MACROD2: variants seen among roughly 807,000 people sequenced by gnomAD.
The protein encoded by MACROD2 is ADP-ribose glycohydrolase MACROD2.
Under a neutral mutation model 70.4 loss-of-function variants are expected in MACROD2, and 36 were observed. The ratio of observed to expected loss-of-function variants is 0.51; its 90% CI spans 0.39 to 0.68. The LOEUF (loss-of-function observed/expected upper bound fraction) is 0.68, where lower values mean the gene tolerates loss of function less well. MACROD2 is among the 30% of genes least tolerant of loss of function. MACROD2 has a pLI of 0.00. For synonymous variants in MACROD2, 172 were observed against 178.8 expected, an observed-to-expected ratio of 0.96 and a Z score of 0.30; for missense variants, 496 against 538.4, an observed-to-expected ratio of 0.92 and a Z score of 0.78.
At chr20:15,489,581 G>A (rs144132124) in intron 7 of MACROD2, among the ~76,000 whole-genome samples, 1 of 152,336 alleles carries the variant, frequency 6.6e-6, no homozygotes, top group Non-Finnish European at 1.5e-5. Context: ...GCTGTCACCT[G>A]AGAAAGAGGG....
intron 8 of MACROD2, among the ~76,000 whole-genome samples, chr20:15,716,453 C>T (rs920077281): frequency 1.3e-5 from 2 of 152,188 alleles, no homozygotes; most frequent in East Asian, 3.8e-4. Flanking sequence ...TGGAAAGGCA[C>T]CAACTAAAGC....
At chr20:14,902,419 C>G (rs1338434382) in intron 5 of MACROD2, among the ~76,000 whole-genome samples, 3 of 152,142 alleles carry the variant, frequency 2.0e-5, no homozygotes, top group Non-Finnish European at 4.4e-5. Context: ...CAAAGTAAAA[C>G]AAGGATTGGC....
rs1228946107 is a variant in MACROD2, at chr20:16,052,496, T to A, written c.*2620T>A. On this transcript the variant is annotated 3_prime_UTR_variant, in exon 18 of 18. Transcript: ENST00000684519. The stretch of plus-strand genomic sequence containing the variant: ...GTTAGTCATGTTTGCATACAGAGGA[T>A]CAAAGTAGGCCTTCACCATAATAGT... The A allele has an allele frequency of 6.6e-6, 1 of 152,412 alleles. No individual in the cohort carries two copies. The highest frequency in any genetic ancestry group is 6.5e-5 in the Admixed American group (1 of 15,272). The allele number at this position is 152,412 out of a possible 1,614,324, so 9.4% of individuals were successfully genotyped here.
At chr20:16,000,199 C>T (rs908857796) in intron 15 of MACROD2, among the ~76,000 whole-genome samples, 7 of 152,298 alleles carry the variant, frequency 4.6e-5, no homozygotes, top group African/African-American at 1.7e-4. Context: ...CCCAATGTTA[C>T]CCTGAATGTG....
intron 4 of MACROD2, among the ~76,000 whole-genome samples, chr20:14,575,077 C>A (rs1298470120): frequency 6.7e-6 from 1 of 149,146 alleles, no homozygotes; most frequent in African/African-American, 2.5e-5. Flanking sequence ...CACCCCTTTC[C>A]ACTTTTAAAA....
At chr20:16,041,965 C>T (rs555358741) in intron 16 of MACROD2, among the ~76,000 whole-genome samples, 2 of 152,052 alleles carry the variant, frequency 1.3e-5, no homozygotes, top group African/African-American at 4.8e-5. Context: ...ATTCCACTGG[C>T]CCATAGAGTT....
In MACROD2 at chr20:15,233,983, T is replaced by TTATTTATATA. The variant is rs1491448574; in HGVS notation, c.540+3925_540+3926insTTATATATAT. On this transcript the variant is annotated intron_variant, in intron 6 of 17. Coordinates refer to ENST00000684519, the MANE Select transcript of MACROD2 (RefSeq NM_001351661.2). ...AAAATTTATTTTTATATATATTTAT[T>TTATTTATATA]TATATATATATATATATATATATAT... Among the ~76,000 whole-genome samples, 33 of 43,988 alleles carry TTATTTATATA rather than the reference T, an allele frequency of 7.5e-4. 1 individual carries two copies. The highest frequency in any genetic ancestry group is 3.0e-3 in the African/African-American group (33 of 11,062). The allele number at this position is 43,988 out of a possible 152,430, so 28.9% of individuals were successfully genotyped here.
At chr20:15,215,997 G>A (rs1601241582) in intron 5 of MACROD2, among the ~76,000 whole-genome samples, 1 of 152,154 alleles carries the variant, frequency 6.6e-6, no homozygotes, top group East Asian at 1.9e-4. Flanking sequence ...TAGAAAGAAT[G>A]GAGAAAATGA....
chr20:15,234,009 ATTCTTTTTTTT>A (rs2076987639), intron 6 of MACROD2, among the ~76,000 whole-genome samples: 1 of 39,996 alleles, frequency 2.5e-5, no homozygotes, highest in Non-Finnish European at 4.7e-5. Context: ...ATATATATAT[ATTCTTTTTTTT>A]TTTTTTTTTT....
chr20:15,925,963 G>T (rs1174520951), intron 10 of MACROD2, among the ~76,000 whole-genome samples: 1 of 152,130 alleles, frequency 6.6e-6, no homozygotes, highest in Non-Finnish European at 1.5e-5. Context: ...TTTATTTTGG[G>T]TAGAACTGGC....
intron 5 of MACROD2, among the ~76,000 whole-genome samples, chr20:15,009,016 G>A (rs2075061712): frequency 6.6e-6 from 1 of 152,078 alleles, no homozygotes; most frequent in South Asian, 2.1e-4. Context: ...AGAAACAGGA[G>A]AACCTGTGAG....
intron 5 of MACROD2, among the ~76,000 whole-genome samples, chr20:14,830,951 C>T (rs769618832): frequency 1.3e-5 from 2 of 152,112 alleles, no homozygotes; most frequent in Non-Finnish European, 2.9e-5. Context: ...ACTGGCTTTA[C>T]CTGTACCTAG....
chr20:15,107,555 T>A (rs1278668989), intron 5 of MACROD2, among the ~76,000 whole-genome samples: 1 of 152,094 alleles, frequency 6.6e-6, no homozygotes. Context: ...TATCTTTTTT[T>A]TTTTTCAATC....
intron 8 of MACROD2, among the ~76,000 whole-genome samples, chr20:15,776,716 T>G (rs2051728136): frequency 6.6e-6 from 1 of 152,196 alleles, no homozygotes; most frequent in Non-Finnish European, 1.5e-5. Flanking sequence ...TTTTCAAATC[T>G]GCCTAACAGC....
chr20:14,277,947 G>A (rs1017823091), intron 3 of MACROD2, among the ~76,000 whole-genome samples: 1 of 152,202 alleles, frequency 6.6e-6, no homozygotes, highest in East Asian at 1.9e-4. Context: ...GCATACAACT[G>A]AAAGTTTTCT....
At chr20:14,205,837 C>T (rs1569205676) in intron 3 of MACROD2, among the ~76,000 whole-genome samples, 2 of 152,186 alleles carry the variant, frequency 1.3e-5, no homozygotes, top group Non-Finnish European at 2.9e-5. Flanking sequence ...TAGATCTATT[C>T]ATCAACACTC....
chr20:14,686,836 A>G (rs188320983), intron 5 of MACROD2, among the ~76,000 whole-genome samples: 5 of 152,182 alleles, frequency 3.3e-5, no homozygotes, highest in Non-Finnish European at 7.4e-5. Context: ...ATGATTTTTC[A>G]TTTATTTTTC....
chr20:14,020,110 A>G (rs537718896), intron 2 of MACROD2, among the ~76,000 whole-genome samples: 103 of 152,318 alleles, frequency 6.8e-4, no homozygotes, highest in Middle Eastern at 3.4e-3. Context: ...GGCATGCTGG[A>G]TTAATCTGCA....
At chr20:15,751,866 C>G (rs550827357) in intron 8 of MACROD2, among the ~76,000 whole-genome samples, 1 of 149,972 alleles carries the variant, frequency 6.7e-6, no homozygotes, top group East Asian at 2.0e-4. Flanking sequence ...GTGTTAGATG[C>G]GTATGTCAGA....
Sources: allele counts gnomAD v4.1 joint callset (sites outside exome capture counted in the v4.1 genomes callset), GRCh38; gene constraint gnomAD v4.1.1; transcripts MANE v1.5; gene names NCBI Gene and HGNC (gene_info 2026-07-23, HGNC 2026-07-21).